Variants in TRPM3 observed in about 807,000 individuals in gnomAD.
TRPM3 encodes long transient receptor potential channel 3.
TRPM3 carries 77 observed loss-of-function variants against 181.2 expected under a neutral mutation model. That is an observed-to-expected ratio of 0.42 (90% CI 0.35 to 0.51). TRPM3 has a LOEUF of 0.51. TRPM3 is among the 20% of genes least tolerant of loss of function. The pLI is 0.01. For synonymous variants in TRPM3, 745 were observed against 796.4 expected (o/e 0.94, Z 1.09); for missense variants, 1,759 against 2,196.7 (o/e 0.80, Z 3.98).
chr9:71,422,201 CAA>C (rs2093788360), intron 1 of TRPM3, among the ~76,000 whole-genome samples: 1 of 151,848 alleles, frequency 6.6e-6, no homozygotes, highest in South Asian at 2.1e-4. Context: ...GTCAATATCA[CAA>C]AGATACAATA....
rs35235890 is a variant in TRPM3 at position 70,876,928 on chromosome 9, T to A, written c.178-12417A>T. Among the ~76,000 whole-genome samples, 656 of 152,096 alleles carry A rather than the reference T, an allele frequency of 4.3e-3. 1 individual carries two copies. The highest frequency in any genetic ancestry group is 6.6e-3 in the Non-Finnish European group (445 of 67,934). ...TCCCTCCTTCCACCTCTCTCCACAATTTCCCTTTGGTGTAGTACCTTCCTT... is the reference window on the plus strand; with the variant it reads ...TCCCTCCTTCCACCTCTCTCCACAAATTCCCTTTGGTGTAGTACCTTCCTT... On this transcript the variant is annotated intron_variant, in intron 1 of 25. Coordinates refer to ENST00000677713, the MANE Select transcript of TRPM3 (RefSeq NM_001366145.2).
At chr9:71,227,942 C>CA (rs1338376570) in intron 1 of TRPM3, among the ~76,000 whole-genome samples, 2 of 151,882 alleles carry the variant, frequency 1.3e-5, no homozygotes, top group African/African-American at 4.8e-5. Context: ...CTAACTATTC[C>CA]AAAAAAATAA....
At chr9:71,345,026 A>G (rs1441851237) in intron 1 of TRPM3, among the ~76,000 whole-genome samples, 1 of 152,254 alleles carries the variant, frequency 6.6e-6, no homozygotes, top group Non-Finnish European at 1.5e-5. Context: ...AACGCTCATC[A>G]AAACCACAAT....
At chr9:71,350,780 T>A (rs762313223) in intron 1 of TRPM3, among the ~76,000 whole-genome samples, 1 of 152,366 alleles carries the variant, frequency 6.6e-6, no homozygotes, top group East Asian at 1.9e-4. Context: ...CCAAGCTTTA[T>A]GTCATCCCAA....
At chr9:71,420,769 G>GAGAGAGAA (rs1373491631) in intron 1 of TRPM3, among the ~76,000 whole-genome samples, 2 of 18,856 alleles carry the variant, frequency 1.1e-4, no homozygotes, top group South Asian at 1.4e-3. Context: ...GAGAGAGAAA[G>GAGAGAGAA]AGAGAGAAAG....
At chr9:70,875,040 C>A (rs1366458062) in intron 1 of TRPM3, among the ~76,000 whole-genome samples, 1 of 151,926 alleles carries the variant, frequency 6.6e-6, no homozygotes, top group African/African-American at 2.4e-5. Context: ...TATTTATCCT[C>A]ACAAGGTACA....
intron 8 of TRPM3, among the ~76,000 whole-genome samples, chr9:70,686,695 T>TTTCTGGAAAC (rs2066937069): frequency 1.7e-5 from 1 of 57,912 alleles, no homozygotes; most frequent in Non-Finnish European, 3.7e-5. Context: ...CTTTCCTTCC[T>TTTCTGGAAAC]TCCTTCCTTC....
chr9:70,837,747 T>C (rs1199049588), intron 5 of TRPM3, among the ~76,000 whole-genome samples: 1 of 152,220 alleles, frequency 6.6e-6, no homozygotes, highest in Admixed American at 6.5e-5. Context: ...CAGGTCAAGA[T>C]TCTCTAGGGA....
At position 71,121,449 on chromosome 9, in the gene TRPM3, C is replaced by G; in HGVS notation, c.-95G>C. ...AGTAGCCTTGCCTGAGCCCCTGAAC[C>G]TTCTTAAAACAGCCACCTCCCCTCT... On this transcript the variant is annotated 5_prime_UTR_variant, in exon 1 of 26. Coordinates refer to ENST00000677713, the MANE Select transcript of TRPM3 (RefSeq NM_001366145.2). 6.8e-7 allele frequency: 1 copy of G among 1,477,568 alleles called. No homozygotes were observed. The highest frequency in any genetic ancestry group is 8.9e-7 in the Non-Finnish European group (1 of 1,118,324). 91.5% of individuals were successfully genotyped at this position (1,477,568 alleles called of 1,614,324 possible).
intron 8 of TRPM3, among the ~76,000 whole-genome samples, chr9:70,698,814 G>T (rs1054921026): frequency 6.6e-6 from 1 of 151,014 alleles, no homozygotes; most frequent in Admixed American, 6.6e-5. Flanking sequence ...CTTCTCTCTC[G>T]GTTCTGCTCC....
At chr9:70,577,722 A>T (rs1414729013) in intron 22 of TRPM3, among the ~76,000 whole-genome samples, 1 of 152,212 alleles carries the variant, frequency 6.6e-6, no homozygotes, top group East Asian at 1.9e-4. Context: ...TAGACTCCTG[A>T]TAGGGTTGAT....
At chr9:71,048,640 C>T (rs976999061) in intron 1 of TRPM3, among the ~76,000 whole-genome samples, 1 of 152,182 alleles carries the variant, frequency 6.6e-6, no homozygotes, top group East Asian at 1.9e-4. Context: ...TTCCACTCAC[C>T]CCATTTGATT....
At chr9:71,244,497 G>A (rs1424187311) in intron 1 of TRPM3, among the ~76,000 whole-genome samples, 1 of 152,148 alleles carries the variant, frequency 6.6e-6, no homozygotes, top group African/African-American at 2.4e-5. Context: ...ACATATTGGG[G>A]AAAATCCTCT....
At chr9:71,133,916 T>C (rs1280969236) in intron 1 of TRPM3, among the ~76,000 whole-genome samples, 1 of 152,046 alleles carries the variant, frequency 6.6e-6, no homozygotes, top group African/African-American at 2.4e-5. Context: ...CCACCTCTGC[T>C]GCATTCTTCT....
chr9:71,319,256 G>A (rs1307471672), intron 1 of TRPM3, among the ~76,000 whole-genome samples: 3 of 152,044 alleles, frequency 2.0e-5, no homozygotes, highest in Non-Finnish European at 2.9e-5. Flanking sequence ...ATGACCGCTC[G>A]GCTGAGATGT....
intron 1 of TRPM3, among the ~76,000 whole-genome samples, chr9:71,197,823 C>A: frequency 7.4e-6 from 1 of 134,844 alleles, no homozygotes; most frequent in Admixed American, 7.9e-5. Context: ...CTTTAGGTTG[C>A]CTGTTCACTC....
intron 1 of TRPM3, among the ~76,000 whole-genome samples, chr9:70,898,578 T>C (rs1167285316): frequency 6.7e-6 from 1 of 149,310 alleles, no homozygotes; most frequent in Non-Finnish European, 1.5e-5. Flanking sequence ...TGAAACCCCG[T>C]CTCTACTAAA....
At chr9:71,097,941 G>C (rs2067610569) in intron 1 of TRPM3, among the ~76,000 whole-genome samples, 1 of 152,056 alleles carries the variant, frequency 6.6e-6, no homozygotes, top group Non-Finnish European at 1.5e-5. Context: ...TCCAGCAAGG[G>C]AAAGATGTAG....
At chr9:71,401,363 T>C (rs2093338509) in intron 1 of TRPM3, among the ~76,000 whole-genome samples, 1 of 151,958 alleles carries the variant, frequency 6.6e-6, no homozygotes, top group Non-Finnish European at 1.5e-5. Flanking sequence ...AACTGGAAAA[T>C]CTCAGAGGTT....
Sources: gnomAD v4.1 joint callset for allele counts (sites outside exome capture counted in the v4.1 genomes callset) on GRCh38, gnomAD v4.1.1 for gene constraint, MANE v1.5 for transcripts, NCBI Gene and HGNC (gene_info 2026-07-23, HGNC 2026-07-21) for gene names.